MORC3: variants seen among roughly 807,000 people sequenced by gnomAD.
MORC3 encodes the protein MORC family CW-type zinc finger 3.
In MORC3, 31 loss-of-function variants were observed where a neutral mutation model predicts 109.1. That is an observed-to-expected ratio of 0.28 (90% CI 0.21 to 0.38). The LOEUF (loss-of-function observed/expected upper bound fraction) is 0.38, where lower values mean the gene tolerates loss of function less well. Ranked by LOEUF, MORC3 falls within the 10% of genes least tolerant of loss-of-function variation. The pLI, the probability that MORC3 is intolerant of heterozygous loss-of-function variation, is 1.00. For synonymous variants in MORC3, 395 were observed against 380.7 expected, an observed-to-expected ratio of 1.04 and a Z score of -0.44; for missense variants, 867 against 1,135.8, an observed-to-expected ratio of 0.76 and a Z score of 3.40.
intron 12 of MORC3, chr21:36,361,870 C>G (rs1347524921): frequency 3.2e-6 from 1 of 314,006 alleles, no homozygotes; most frequent in African/African-American, 2.2e-5. Context: ...CTGGGCAAGA[C>G]TCCCTCTCAA....
Position 36,365,039 on chromosome 21 carries a change from G to A in MORC3, c.1619+780G>A, listed in dbSNP as rs147452938. ...TGCACTCCAGCCTGGGTGACAGAGCGAGACTCCATCTCAAAAAAAAAAAAA... is the reference window on the plus strand; with the variant it reads ...TGCACTCCAGCCTGGGTGACAGAGCAAGACTCCATCTCAAAAAAAAAAAAA... On this transcript the variant is annotated intron_variant, in intron 14 of 16. Transcript: ENST00000400485. 7.2e-3 allele frequency among the ~76,000 whole-genome samples: 836 copies of A among 115,808 alleles called. 10 individuals are homozygous for A. Among genetic ancestry groups the A allele is most frequent in the African/African-American group, 0.027 (803 of 29,690 alleles). The allele number at this position is 115,808 out of a possible 152,430, so 76.0% of individuals were successfully genotyped here. A position where few individuals can be genotyped will look rare whatever the true frequency, so the allele number is the denominator to read the frequency against.
In MORC3 at chr21:36,369,339, C is replaced by T. The variant is rs760037097; in HGVS notation, c.1971C>T (p.Asp657=). 7 of 1,613,964 alleles carry T rather than the reference C, an allele frequency of 4.3e-6. No individual in the cohort carries two copies. Among genetic ancestry groups the T allele is most frequent in the African/African-American group, 4.0e-5 (3 of 74,888 alleles). Residue 657 remains aspartate, a synonymous_variant, in exon 15 of 17, where the codon GAC becomes GAT. Coordinates refer to ENST00000400485, the MANE Select transcript of MORC3 (RefSeq NM_015358.3). ...LVVKKEETVE[D]EIDVRNDAVI... ...TTAAAAAAGAAGAAACTGTTGAAGA[C>T]GAGATAGACGTAAGAAATGATGCAG...
intron 1 of MORC3, among the ~76,000 whole-genome samples, chr21:36,321,727 A>C (rs2085195935): frequency 6.7e-6 from 1 of 150,340 alleles, no homozygotes; most frequent in African/African-American, 2.5e-5. Flanking sequence ...TCCTTTCCCC[A>C]CTTCTCTCTC....
In MORC3 at chr21:36,368,980, T is replaced by C. The variant is rs777282452; in HGVS notation, c.1620-8T>C. 57 of 1,581,984 alleles carry C rather than the reference T, an allele frequency of 3.6e-5. 2 individuals carry two copies. The South Asian group carries it at 6.2e-4, about 17-fold the overall frequency. ...AATCTTATGTTTTATGTATAAAATT[T>C]TTTTCAGCTTGAAACGGAGACTTTC... On this transcript the variant is annotated splice_region_variant and splice_polypyrimidine_tract_variant and intron_variant, in intron 14 of 16. Transcript: ENST00000400485.
chr21:36,358,744 A>G (rs1168885812), intron 10 of MORC3, among the ~76,000 whole-genome samples: 2 of 151,954 alleles, frequency 1.3e-5, no homozygotes, highest in East Asian at 1.9e-4. Flanking sequence ...CAGTGGCGCA[A>G]TCTCGGCTCA....
chr21:36,372,549 G>A lies in MORC3; in HGVS notation c.2666+18G>A, dbSNP rs552642113. 1.4e-5 allele frequency: 22 copies of A among 1,558,930 alleles called. No individual in the cohort carries two copies. Among genetic ancestry groups the A allele is most frequent in the Admixed American group, 1.3e-4 (6 of 45,394 alleles). On this transcript the variant is annotated intron_variant, in intron 16 of 16. Coordinates refer to ENST00000400485, the MANE Select transcript of MORC3 (RefSeq NM_015358.3). Reference sequence around the variant, plus strand: ...GGAGAAAGGTAATATTAAATGAGGCGTTTTTGTGGGGCTGCAATTATGGTT... The same window carrying A: ...GGAGAAAGGTAATATTAAATGAGGCATTTTTGTGGGGCTGCAATTATGGTT...
At chr21:36,328,927 G>GA (rs2085280985) in intron 1 of MORC3, among the ~76,000 whole-genome samples, 1 of 142,462 alleles carries the variant, frequency 7.0e-6, no homozygotes, top group Non-Finnish European at 1.5e-5. Flanking sequence ...AAAAGAAAAA[G>GA]AAATTGTAAC....
chr21:36,336,646 G>T (rs531840290), intron 2 of MORC3, among the ~76,000 whole-genome samples: 4 of 152,122 alleles, frequency 2.6e-5, no homozygotes, highest in Non-Finnish European at 5.9e-5. Flanking sequence ...AACATGGAGG[G>T]TGTTAATTCT....
chr21:36,337,691 T>G, intron 3 of MORC3, 41 bp from the exon 4 acceptor site: 1 of 1,219,440 alleles, frequency 8.2e-7, no homozygotes, highest in Non-Finnish European at 1.1e-6. Context: ...TTATTTTTGA[T>G]TATAGGTATT....
intron 15 of MORC3, among the ~76,000 whole-genome samples, chr21:36,370,083 T>C (rs2085837638): frequency 6.6e-6 from 1 of 151,994 alleles, no homozygotes. Context: ...AATACAAAAA[T>C]TAGCCTAGCG....
chr21:36,352,276 C>T (rs2085581118), intron 9 of MORC3, among the ~76,000 whole-genome samples: 1 of 151,862 alleles, frequency 6.6e-6, no homozygotes, highest in African/African-American at 2.4e-5. Context: ...ACACGGCAAG[C>T]TACATTACTA....
intron 7 of MORC3, 32 bp downstream of exon 7, chr21:36,344,739 G>A (rs780603599): frequency 8.7e-6 from 14 of 1,610,086 alleles, no homozygotes; most frequent in Non-Finnish European, 1.1e-5. Flanking sequence ...ATAGAGATAT[G>A]TTAGTCAGGT....
At chr21:36,324,032 C>A (rs1001087839) in intron 1 of MORC3, among the ~76,000 whole-genome samples, 1 of 151,052 alleles carries the variant, frequency 6.6e-6, no homozygotes, top group Non-Finnish European at 1.5e-5. Context: ...TGCGCCACCA[C>A]GTCTGGCTGA....
Position 36,351,462 on chromosome 21 carries a change from C to G in MORC3, c.1103+2054C>G, listed in dbSNP as rs191728738. Among the ~76,000 whole-genome samples the G allele has an allele frequency of 6.6e-5, 10 of 152,128 alleles. No homozygotes were observed. The South Asian group carries it at 1.4e-3, about 22-fold the overall frequency. ...CCAGCCCCTCTTTATTTCCCTCTCC[C>G]CACTACCTGTCCCATGTCCTGAGGG... On this transcript the variant is annotated intron_variant, in intron 9 of 16. Coordinates refer to ENST00000400485, the MANE Select transcript of MORC3 (RefSeq NM_015358.3).
At chr21:36,353,095 A>G (rs1052107943) in intron 9 of MORC3, among the ~76,000 whole-genome samples, 1 of 152,074 alleles carries the variant, frequency 6.6e-6, no homozygotes, top group Admixed American at 6.6e-5. Context: ...ATGGTGGCTC[A>G]CGCCTGTAAT....
rs1392603532 is a variant in MORC3 at position 36,369,413 on chromosome 21, A to T, written c.2045A>T (p.Gln682Leu). 6.2e-7 allele frequency: 1 copy of T among 1,614,240 alleles called. No individual in the cohort carries two copies. The highest frequency in any genetic ancestry group is 8.5e-7 in the Non-Finnish European group (1 of 1,180,036). Residue 682 changes from glutamine to leucine, a missense_variant, in exon 15 of 17, where the codon CAG (glutamine) becomes CTG (leucine). Transcript: ENST00000400485. ...GCTGAAGCAAAGATACATGAAACCC[A>T]GGAAACCACCGATAAATCTGCAGAT... The part of the protein sequence containing the change: ...VEAEAKIHET[Q>L]ETTDKSADDA...
intron 15 of MORC3, among the ~76,000 whole-genome samples, chr21:36,372,021 C>T (rs2085875043): frequency 1.3e-5 from 2 of 152,042 alleles, no homozygotes; most frequent in Non-Finnish European, 1.5e-5. Flanking sequence ...CCATTTTGGT[C>T]AGGCTGGTCT....
chr21:36,336,549 C>T (rs1365871954), intron 2 of MORC3, among the ~76,000 whole-genome samples: 1 of 152,162 alleles, frequency 6.6e-6, no homozygotes, highest in South Asian at 2.1e-4. Flanking sequence ...CAGACTTAGT[C>T]CATCTTTTAA....
intron 6 of MORC3, among the ~76,000 whole-genome samples, chr21:36,342,400 G>A (rs1321075566): frequency 6.6e-6 from 1 of 151,612 alleles, no homozygotes; most frequent in African/African-American, 2.4e-5. Context: ...TTGTTTTTTT[G>A]TTTTTCTTTT....
Sources: allele counts gnomAD v4.1 joint callset (sites outside exome capture counted in the v4.1 genomes callset), GRCh38; gene constraint gnomAD v4.1.1; transcripts MANE v1.5; gene names NCBI Gene and HGNC (gene_info 2026-07-23, HGNC 2026-07-21).